Variants in STPG4 observed in about 807,000 individuals in gnomAD.
The protein encoded by STPG4 is sperm-tail PG-rich repeat containing 4.
STPG4 carries 41 observed loss-of-function variants against 31.5 expected under a neutral mutation model. That is an observed-to-expected ratio of 1.30 (90% CI 1.01 to 1.69). The LOEUF (loss-of-function observed/expected upper bound fraction) is 1.69. Ranked by LOEUF, STPG4 falls within the 40% of genes most tolerant of loss-of-function variation. STPG4 has a pLI of 0.00. For synonymous variants in STPG4, 141 were observed against 103.0 expected, an observed-to-expected ratio of 1.37 and a Z score of -2.24; for missense variants, 375 against 293.4, an observed-to-expected ratio of 1.28 and a Z score of -2.03.
intron 5 of STPG4, among the ~76,000 whole-genome samples, chr2:47,099,090 G>C (rs1573151123): frequency 6.6e-6 from 1 of 152,122 alleles, no homozygotes; most frequent in Non-Finnish European, 1.5e-5. Context: ...TTTCTAGTTA[G>C]GCTGTCACAT....
At chr2:47,098,488 T>C (rs2103735514) in intron 5 of STPG4, among the ~76,000 whole-genome samples, 1 of 152,270 alleles carries the variant, frequency 6.6e-6, no homozygotes. Context: ...AAAGTATCAG[T>C]AGTTAGTTCT....
chr2:47,096,416 G>A (rs1202878543), intron 5 of STPG4, among the ~76,000 whole-genome samples: 2 of 152,162 alleles, frequency 1.3e-5, no homozygotes, highest in East Asian at 3.8e-4. Context: ...CTAGAGAGAA[G>A]GATGTTATTC....
chr2:47,133,130 T>C (rs1686521399), intron 3 of STPG4, among the ~76,000 whole-genome samples: 2 of 152,134 alleles, frequency 1.3e-5, no homozygotes, highest in South Asian at 2.1e-4. Context: ...GGTATATATA[T>C]GTGCATATAT....
rs571772643 is a variant in STPG4, at chr2:47,093,400, C to A, written c.520-3026G>T. On this transcript the variant is annotated intron_variant, in intron 5 of 6. Coordinates refer to ENST00000445927, the MANE Select transcript of STPG4 (RefSeq NM_001163561.2). ...CTAAGCCCTAATAAACACAAAGAAG[C>A]AAAACGCCAAGAAAATCTGCACAGG... 1.1e-4 allele frequency among the ~76,000 whole-genome samples: 16 copies of A among 152,278 alleles called. No homozygotes were observed. The South Asian group carries it at 2.1e-3, about 20-fold the overall frequency.
At chr2:47,137,383 C>T (rs1010563548) in intron 3 of STPG4, among the ~76,000 whole-genome samples, 3 of 152,052 alleles carry the variant, frequency 2.0e-5, no homozygotes, top group African/African-American at 7.2e-5. Flanking sequence ...AATTTGCTAT[C>T]ATTTTGTTGA....
chr2:47,136,080 A>T (rs914298911), intron 3 of STPG4, among the ~76,000 whole-genome samples: 6 of 152,192 alleles, frequency 3.9e-5, no homozygotes, highest in Non-Finnish European at 5.9e-5. Context: ...GGAAGAACTG[A>T]CATCTTGACA....
intron 3 of STPG4, among the ~76,000 whole-genome samples, chr2:47,149,198 A>G (rs1686888919): frequency 6.6e-6 from 1 of 152,216 alleles, no homozygotes; most frequent in Non-Finnish European, 1.5e-5. Flanking sequence ...GGAAAGAAGA[A>G]AGAAACAGAA....
intron 5 of STPG4, among the ~76,000 whole-genome samples, chr2:47,110,729 G>T (rs901748279): frequency 2.6e-5 from 4 of 152,144 alleles, no homozygotes; most frequent in East Asian, 3.8e-4. Flanking sequence ...TCATACACAT[G>T]ATTTTTCTGA....
rs1351173184 is a variant in STPG4, at chr2:47,152,978, T to A, written c.120A>T (p.Gly40=). ...AQKTSSFERE[G]WWRIALTDTP... is the part of the protein sequence containing the mutation. ...ATACTGTTAATGCTATTCTCCACCA[T>A]CCTTCTCTTTCAAAAGAGGAAGTCT... The change falls in exon 2 of 7, where the codon GGA becomes GGT. Residue 40 remains glycine, a synonymous_variant. Coordinates refer to ENST00000445927, the MANE Select transcript of STPG4 (RefSeq NM_001163561.2). 1.2e-6 allele frequency: 2 copies of A among 1,611,534 alleles called. No individual in the cohort carries two copies. The highest frequency in any genetic ancestry group is 1.1e-5 in the South Asian group (1 of 90,804).
At chr2:47,137,462 G>A (rs1316792881) in intron 3 of STPG4, among the ~76,000 whole-genome samples, 1 of 152,082 alleles carries the variant, frequency 6.6e-6, no homozygotes, top group Non-Finnish European at 1.5e-5. Flanking sequence ...GTCTTTGTCT[G>A]GTTTTGGTAT....
chr2:47,137,118 G>A lies in STPG4; in HGVS notation c.400-6858C>T, dbSNP rs150021748. 3.8e-3 allele frequency among the ~76,000 whole-genome samples: 577 copies of A among 152,282 alleles called. 1 individual carries two copies. The highest frequency in any genetic ancestry group is 7.1e-3 in the Non-Finnish European group (485 of 68,026). ...CTCACCATTAAGTATGATGCTAGCT[G>A]TAGGTTTTTTGTAGATACTCTTTAT... On this transcript the variant is annotated intron_variant, in intron 3 of 6. Coordinates refer to ENST00000445927, the MANE Select transcript of STPG4 (RefSeq NM_001163561.2).
intron 6 of STPG4, among the ~76,000 whole-genome samples, chr2:47,089,925 ATTCTGGCTGG>A (rs1170127815): frequency 1.3e-5 from 2 of 152,226 alleles, no homozygotes; most frequent in Non-Finnish European, 1.5e-5. Flanking sequence ...GAGAACAGCC[ATTCTGGCTGG>A]CAGGAGGCAG....
chr2:47,144,418 C>T (rs1000959776), intron 3 of STPG4, among the ~76,000 whole-genome samples: 1 of 152,142 alleles, frequency 6.6e-6, no homozygotes. Context: ...TGGTGGCTCA[C>T]ACTTGTCATC....
intron 5 of STPG4, among the ~76,000 whole-genome samples, chr2:47,097,861 T>C (rs1020974179): frequency 6.6e-6 from 1 of 151,658 alleles, no homozygotes; most frequent in African/African-American, 2.4e-5. Context: ...CTCACGCCTG[T>C]AATCCCAGCA....
chr2:47,132,767 TTCTC>T (rs35681492), intron 3 of STPG4, among the ~76,000 whole-genome samples: 1 of 151,588 alleles, frequency 6.6e-6, no homozygotes, highest in Non-Finnish European at 1.5e-5. Flanking sequence ...TTATGCTTCT[TTCTC>T]TCTCTCTCTC....
At chr2:47,124,427 C>A (rs1686327667) in intron 5 of STPG4, among the ~76,000 whole-genome samples, 1 of 152,096 alleles carries the variant, frequency 6.6e-6, no homozygotes, top group African/African-American at 2.4e-5. Flanking sequence ...CACTACCCTT[C>A]TTAGTCTCTG....
At position 47,100,458 on chromosome 2, in the gene STPG4, C is replaced by T. The variant is rs527853760; in HGVS notation, c.520-10084G>A. ...TTATGTCTAGCTCAGGGATTGTAAA[C>T]ACACCAATCAGCGCCCTGTCAAAAC... On this transcript the variant is annotated intron_variant, in intron 5 of 6. Transcript: ENST00000445927. Among the ~76,000 whole-genome samples the T allele has an allele frequency of 4.4e-3, 662 of 149,290 alleles. 23 individuals are homozygous for T. Among genetic ancestry groups the T allele is most frequent in the Admixed American group, 0.033 (492 of 14,894 alleles).
chr2:47,130,758 A>ATCTG (rs1686464356), intron 3 of STPG4, among the ~76,000 whole-genome samples: 1 of 151,546 alleles, frequency 6.6e-6, no homozygotes, highest in Non-Finnish European at 1.5e-5. Flanking sequence ...CAAGTGATCC[A>ATCTG]CCTGCCTCAG....
In STPG4 at chr2:47,151,478, A is replaced by C; in HGVS notation, c.179T>G (p.Phe60Cys). 1 of 1,614,070 alleles carries C rather than the reference A, an allele frequency of 6.2e-7. No individual in the cohort carries two copies. The highest frequency in any genetic ancestry group is 8.5e-7 in the Non-Finnish European group (1 of 1,179,914). Reference sequence around the variant, plus strand: ...TGGATTTAATAGGGATTCTTCAATAAAAGTTTTCAAGTGGTAAGTGCCAGG... The same window carrying C: ...TGGATTTAATAGGGATTCTTCAATACAAGTTTTCAAGTGGTAAGTGCCAGG... The part of the protein sequence containing the change: ...PIPGTYHLKT[F>C]IEESLLNPVI... The change falls in exon 3 of 7, where the codon TTT (phenylalanine) becomes TGT (cysteine). Residue 60 changes from phenylalanine (F) to cysteine (C), a missense_variant. Phe to Cys is a radical substitution (Grantham distance 205, BLOSUM62 -2). Transcript: ENST00000445927.
Sources: allele counts gnomAD v4.1 joint callset (sites outside exome capture counted in the v4.1 genomes callset), GRCh38; gene constraint gnomAD v4.1.1; transcripts MANE v1.5; gene names NCBI Gene and HGNC (gene_info 2026-07-23, HGNC 2026-07-21).